DAB2IP: variants seen among roughly 807,000 people sequenced by gnomAD.
DAB2IP encodes the protein DAB2 interacting protein, also known as disabled homolog 2-interacting protein.
A neutral mutation model predicts 107.2 loss-of-function variants in DAB2IP; 28 were observed. The observed-to-expected ratio is 0.26, with a 90% CI of 0.19 to 0.36. The LOEUF is 0.36. Among genes scored for constraint, DAB2IP ranks in the 10% least tolerant of loss-of-function variants. The pLI is 1.00. For missense variants in DAB2IP, 1,400 were observed against 1,644.7 expected, an observed-to-expected ratio of 0.85 and a Z score of 2.57; for synonymous variants, 755 against 706.4, an observed-to-expected ratio of 1.07 and a Z score of -1.09.
At chr9:121,579,907 C>T (rs1830153178) in intron 1 of DAB2IP, among the ~76,000 whole-genome samples, 1 of 152,190 alleles carries the variant, frequency 6.6e-6, no homozygotes, top group South Asian at 2.1e-4. Context: ...GACTTGGCCT[C>T]ACCTTGCCCA....
chr9:121,760,052 G>C lies in DAB2IP; in HGVS notation c.783G>C (p.Glu261Asp), dbSNP rs1355937636. The change falls in exon 6 of 16, where the codon GAG (glutamate) becomes GAC (aspartate). Residue 261 changes from glutamate (E) to aspartate (D), a missense_variant. By Grantham distance (45) the Glu-to-Asp change is conservative. Around this residue, in one of 3 missense-constraint regions of DAB2IP, gnomAD observed 517 missense variants for 748.6 expected, o/e 0.69. Coordinates refer to ENST00000408936, the Ensembl canonical transcript of DAB2IP. The surrounding 1 kb of genome is among the most constrained non-coding windows in gnomAD (Gnocchi z 5.9). ...ATGTTTTCTGGGGCGAGCACTTCGA[G>C]TTCCACAACTTGCCGCCTCTGCGCA... 111 of 1,614,086 alleles carry C rather than the reference G, an allele frequency of 6.9e-5. No homozygotes were observed. Among genetic ancestry groups the C allele is most frequent in the Non-Finnish European group, 9.4e-5 (111 of 1,180,034 alleles).
Position 121,782,213 on chromosome 9 carries a change from C to G in DAB2IP, c.3403-118C>G, listed in dbSNP as rs943125042. 2 of 1,487,276 alleles carry G rather than the reference C, an allele frequency of 1.3e-6. No homozygotes were observed. The highest frequency in any genetic ancestry group is 1.4e-5 in the African/African-American group (1 of 71,436). 92.1% of individuals were successfully genotyped at this position (1,487,276 alleles called of 1,614,324 possible). A position where few individuals can be genotyped will look rare whatever the true frequency, so the allele number is the denominator to read the frequency against. The stretch of plus-strand genomic sequence containing the variant: ...CTTCTCTTGCCAGCTGCTCACAGCC[C>G]GGAGCCTGCCTGCCACCCTCATCTC... On this transcript the variant is annotated intron_variant, in intron 15 of 15. Coordinates refer to ENST00000408936, the Ensembl canonical transcript of DAB2IP. The surrounding 1 kb of genome is among the most constrained non-coding windows in gnomAD (Gnocchi z 6.1).
intron 1 of DAB2IP, among the ~76,000 whole-genome samples, chr9:121,617,131 C>T (rs527694627): frequency 3.3e-5 from 5 of 152,044 alleles, no homozygotes; most frequent in Admixed American, 1.3e-4. Context: ...GTCAGGAGGT[C>T]GAGACCAGCC....
At chr9:121,783,215 G>A in exon 16 of DAB2IP, 1 of 1,216,494 alleles carries the variant, frequency 8.2e-7, no homozygotes, top group Non-Finnish European at 1.0e-6. Flanking sequence ...CCCAGTGAGG[G>A]CCATGGCTTT....
At position 121,651,867 on chromosome 9, in the gene DAB2IP, G is replaced by A; in HGVS notation, c.92G>A (p.Ser31Asn). 1.4e-6 allele frequency: 2 copies of A among 1,447,568 alleles called. No homozygotes were observed. Among genetic ancestry groups the A allele is most frequent in the East Asian group, 2.9e-5 (1 of 34,848 alleles). 89.7% of individuals were successfully genotyped at this position (1,447,568 alleles called of 1,614,324 possible). A position where few individuals can be genotyped will look rare whatever the true frequency, so the allele number is the denominator to read the frequency against. The change falls in exon 1 of 16, where the codon AGC becomes AAC. Residue 31 changes from serine to asparagine, a missense_variant. Physicochemically the swap from Ser to Asn is conservative, Grantham distance 46 (BLOSUM62 1). This residue lies in a region of DAB2IP where 283 missense variants were observed against 237.0 expected (regional missense o/e 1.19). Transcript: ENST00000408936. The surrounding 1 kb of genome is among the most constrained non-coding windows in gnomAD (Gnocchi z 5.1). ...CGGCCCCGGCTGCAGCGACAGAGGA[G>A]CCGCTCCCGCAGCCGGACCCGGCCT...
chr9:121,567,114 G>A, exon 1 of DAB2IP: 4 of 1,592,780 alleles, frequency 2.5e-6, no homozygotes, highest in Non-Finnish European at 3.4e-6. Context: ...AATACAAAAG[G>A]AGGAACCCAG....
intron 3 of DAB2IP, among the ~76,000 whole-genome samples, chr9:121,707,048 C>T (rs185823032): frequency 3.9e-5 from 6 of 152,300 alleles, no homozygotes; most frequent in South Asian, 2.1e-4. Flanking sequence ...GACCTCCCTT[C>T]CTCCCCTCCC....
intron 1 of DAB2IP, among the ~76,000 whole-genome samples, chr9:121,580,531 C>T (rs560005718): frequency 2.6e-5 from 4 of 152,168 alleles, no homozygotes; most frequent in Admixed American, 2.0e-4. Flanking sequence ...AAACAAAATA[C>T]GGAGGTTGGC....
At chr9:121,773,587 A>G in intron 12 of DAB2IP, 92 bp downstream of exon 12, 1 of 1,299,448 alleles carries the variant, frequency 7.7e-7, no homozygotes, top group Non-Finnish European at 9.8e-7. Flanking sequence ...CGGTCATTTC[A>G]CCTCCACCCT....
At chr9:121,743,865 G>A (rs866310218) in intron 3 of DAB2IP, among the ~76,000 whole-genome samples, 43 of 142,876 alleles carry the variant, frequency 3.0e-4, no homozygotes, top group African/African-American at 8.8e-4. Context: ...GAGGGACTCC[G>A]GAGCACCCTG....
intron 1 of DAB2IP, among the ~76,000 whole-genome samples, chr9:121,672,610 G>A (rs1176206450): frequency 2.0e-5 from 3 of 152,200 alleles, no homozygotes; most frequent in African/African-American, 4.8e-5. Context: ...CCTCCTAGAG[G>A]AAAGGGGATC....
intron 2 of DAB2IP, among the ~76,000 whole-genome samples, chr9:121,685,858 C>T (rs1828852143): frequency 6.6e-6 from 1 of 152,212 alleles, no homozygotes. Flanking sequence ...TGGGAAACAG[C>T]ATGAGCAAAT....
rs1003232811 is a variant in DAB2IP, at chr9:121,699,116, T to G, written c.229-209T>G. Among the ~76,000 whole-genome samples, 4 of 136,380 alleles carry G rather than the reference T, an allele frequency of 2.9e-5. No homozygotes were observed. Among genetic ancestry groups the G allele is most frequent in the East Asian group, 4.5e-4 (2 of 4,410 alleles). The allele number at this position is 136,380 out of a possible 152,430, so 89.5% of individuals were successfully genotyped here. ...GGCGGGGGCGACGTGGCGGGCGGGG[T>G]GGGCTGGGCCGCGCTGCGCGGGCCG... On this transcript the variant is annotated intron_variant, in intron 2 of 15. Coordinates refer to ENST00000408936, the Ensembl canonical transcript of DAB2IP. The surrounding 1 kb of genome is among the most constrained non-coding windows in gnomAD (Gnocchi z 6.2).
At chr9:121,570,722 A>AT (rs1470576824) in intron 1 of DAB2IP, among the ~76,000 whole-genome samples, 3 of 151,378 alleles carry the variant, frequency 2.0e-5, no homozygotes, top group Admixed American at 6.6e-5. Flanking sequence ...TAATTTTTGT[A>AT]TTTTTTGTAG....
At chr9:121,648,918 G>C (rs546301973), upstream of DAB2IP, among the ~76,000 whole-genome samples, 56 of 152,290 alleles carry the variant, frequency 3.7e-4, 1 homozygote, top group South Asian at 2.1e-3. Flanking sequence ...TGTTCAGAGA[G>C]AGAAAGCCAC....
chr9:121,763,480 C>T (rs1199172920), intron 6 of DAB2IP, 25 bp from the exon 7 acceptor site: 2 of 1,600,958 alleles, frequency 1.2e-6, no homozygotes, highest in South Asian at 2.3e-5. Context: ...TCAGGTCCTG[C>T]TCTCTCCACC....
In DAB2IP at chr9:121,776,149, GCTCT is replaced by G. The variant is rs779906069; in HGVS notation, c.3121-46_3121-43del. ...CTCCCACTCGGGCTGACGAAGCTGTGCTCTCTGTGTCCTGGGTGCTGTGCCCGTG... is the reference window on the plus strand; with the variant it reads ...CTCCCACTCGGGCTGACGAAGCTGTGCTGTGTCCTGGGTGCTGTGCCCGTG... On this transcript the variant is annotated intron_variant, in intron 13 of 15. Coordinates refer to ENST00000408936, the Ensembl canonical transcript of DAB2IP. This position sits in a 1 kb window ranked among gnomAD's most constrained non-coding sequence, Gnocchi z 5.4. 50 of 1,548,560 alleles carry G rather than the reference GCTCT, an allele frequency of 3.2e-5. No individual in the cohort carries two copies. The highest frequency in any genetic ancestry group is 4.0e-5 in the Admixed American group (2 of 50,186).
At chr9:121,740,253 C>T (rs1284325345) in intron 3 of DAB2IP, among the ~76,000 whole-genome samples, 3 of 152,128 alleles carry the variant, frequency 2.0e-5, no homozygotes, top group African/African-American at 7.2e-5. Context: ...TCAGGAGCGC[C>T]GATAGGCCCC....
At chr9:121,647,869 A>ATAT (rs1564132289), upstream of DAB2IP, among the ~76,000 whole-genome samples, 2 of 149,834 alleles carry the variant, frequency 1.3e-5, no homozygotes, top group African/African-American at 4.9e-5. Flanking sequence ...TATACGTATT[A>ATAT]TATATATATA....
Sources: allele counts gnomAD v4.1 joint callset (sites outside exome capture counted in the v4.1 genomes callset), GRCh38; gene constraint gnomAD v4.1.1; regional missense constraint gnomAD v4.1.1; non-coding constraint Gnocchi (gnomAD v3.1); transcripts MANE v1.5; gene names NCBI Gene and HGNC (gene_info 2026-07-23, HGNC 2026-07-21).